The following KCTD1 variants were observed in gnomAD, a reference collection of about 807,000 sequenced individuals.
KCTD1 encodes the protein BTB/POZ domain-containing protein KCTD1.
A neutral mutation model predicts 66.0 loss-of-function variants in KCTD1; 24 were observed. That is an observed-to-expected ratio of 0.36 (90% confidence interval 0.26 to 0.51). The LOEUF is 0.51. Among genes scored for constraint, KCTD1 ranks in the 20% least tolerant of loss-of-function variants. The pLI is 0.95. For synonymous variants in KCTD1, 511 were observed against 517.2 expected, an observed-to-expected ratio of 0.99 and a Z score of 0.16; for missense variants, 943 against 1,205.2, an observed-to-expected ratio of 0.78 and a Z score of 3.22.
At position 26,548,360 on chromosome 18, in the gene KCTD1, TTCCTCC is replaced by T. The variant is rs755283423; in HGVS notation, c.171_176del (p.Glu62_Glu63del). 7 of 1,477,128 alleles carry T rather than the reference TTCCTCC, an allele frequency of 4.7e-6. No homozygotes were observed. The highest frequency in any genetic ancestry group is 2.9e-5 in the African/African-American group (2 of 69,936). 91.5% of individuals were successfully genotyped at this position (1,477,128 alleles called of 1,614,324 possible). On this transcript the variant is annotated inframe_deletion, in exon 1 of 5. Coordinates refer to ENST00000580059, the MANE Select transcript of KCTD1 (RefSeq NM_001142730.3). ...CCTGGATCTCGTCCTCCTCCTCCTC[TTCCTCC>T]TCCTCCTCGCCCGCGCTGCAGTAGT...
chr18:26,579,310 A>C lies in KCTD1; in HGVS notation c.-16+49837T>G, dbSNP rs576292576. On this transcript the variant is annotated intron_variant, in intron 1 of 4. Transcript: ENST00000317932. ...AAAGCATCCAAAGTTTTGAATGTCC[A>C]GTTAGTGTCCAATTAGTGTTGGACA... Among the ~76,000 whole-genome samples, 8 of 152,196 alleles carry C rather than the reference A, an allele frequency of 5.3e-5. No individual in the cohort carries two copies. The East Asian group carries it at 1.5e-3, about 29-fold the overall frequency.
intron 3 of KCTD1, among the ~76,000 whole-genome samples, chr18:26,463,383 C>T (rs889551863): frequency 6.6e-6 from 1 of 151,756 alleles, no homozygotes; most frequent in African/African-American, 2.4e-5. Context: ...CATCACTGCA[C>T]TCCAGCCTAG....
intron 1 of KCTD1, among the ~76,000 whole-genome samples, chr18:26,518,697 C>CT (rs946978524): frequency 3.9e-5 from 6 of 152,058 alleles, no homozygotes; most frequent in African/African-American, 1.2e-4. Context: ...CTCCTTTTTT[C>CT]TTTTTTTAAA....
At chr18:26,567,485 GTTGT>G (rs778478236) in intron 1 of KCTD1, among the ~76,000 whole-genome samples, 127 of 118,022 alleles carry the variant, frequency 1.1e-3, no homozygotes, top group Admixed American at 3.2e-3. Flanking sequence ...TTCTGTTGTT[GTTGT>G]TTTTTTTTTT....
intron 1 of KCTD1, among the ~76,000 whole-genome samples, chr18:26,533,348 T>C (rs1381760973): frequency 2.0e-5 from 3 of 152,246 alleles, no homozygotes; most frequent in Non-Finnish European, 2.9e-5. Context: ...ACTGAGCAAG[T>C]ATTTTATTTC....
chr18:26,575,518 A>G (rs2144907388), intron 1 of KCTD1: 1 of 152,318 alleles, frequency 6.6e-6, no homozygotes, highest in African/African-American at 2.4e-5. Flanking sequence ...CATGATCCAG[A>G]CACCAGAACA....
intron 1 of KCTD1, among the ~76,000 whole-genome samples, chr18:26,531,280 C>T (rs1984423331): frequency 1.3e-5 from 2 of 151,830 alleles, no homozygotes; most frequent in African/African-American, 4.8e-5. Flanking sequence ...TCCCTTGAGC[C>T]CAGTAGTTTG....
chr18:26,653,730 A>G (rs1988077972), intron 1 of KCTD1, among the ~76,000 whole-genome samples: 1 of 152,246 alleles, frequency 6.6e-6, no homozygotes, highest in Non-Finnish European at 1.5e-5. Flanking sequence ...GTTATCTCAA[A>G]CCAAACTCAT....
intron 1 of KCTD1, among the ~76,000 whole-genome samples, chr18:26,524,845 T>G (rs1305213933): frequency 2.6e-5 from 4 of 152,150 alleles, no homozygotes; most frequent in Non-Finnish European, 5.9e-5. Flanking sequence ...ATTTTTTAAT[T>G]TAAAAAAAAA....
chr18:26,530,810 G>C (rs548080168), intron 1 of KCTD1, among the ~76,000 whole-genome samples: 53 of 152,292 alleles, frequency 3.5e-4, no homozygotes, highest in African/African-American at 1.3e-3. Context: ...TTCTTTATGT[G>C]CTATTGGAAG....
intron 3 of KCTD1, among the ~76,000 whole-genome samples, chr18:26,463,272 G>A (rs117624568): frequency 0.021 from 3,149 of 152,210 alleles, 47 homozygotes; most frequent in Middle Eastern, 0.075. Flanking sequence ...CCTGGGCAAC[G>A]TAGGGAGACC....
chr18:26,491,603 T>A (rs1982204324), intron 2 of KCTD1, among the ~76,000 whole-genome samples: 1 of 152,202 alleles, frequency 6.6e-6, no homozygotes, highest in African/African-American at 2.4e-5. Context: ...CAAGTCATGA[T>A]ACACACAGAA....
chr18:26,560,889 C>T lies in KCTD1; in HGVS notation c.-15-59639G>A, dbSNP rs75290998. Among the ~76,000 whole-genome samples the T allele has an allele frequency of 4.7e-3, 721 of 152,296 alleles. 3 individuals are homozygous for T. The highest frequency in any genetic ancestry group is 0.017 in the African/African-American group (691 of 41,560). On this transcript the variant is annotated intron_variant, in intron 1 of 4. Transcript: ENST00000317932. ...TTTTAGAGGACAGTGGGAAAATGCA[C>T]ATCCCTTTCAACGCAGTAAATCATT...
chr18:26,554,551 A>G (rs1443069791), intron 1 of KCTD1, among the ~76,000 whole-genome samples: 1 of 152,222 alleles, frequency 6.6e-6, no homozygotes, highest in Non-Finnish European at 1.5e-5. Context: ...CAACCAGACT[A>G]GAAAGAGGCA....
At chr18:26,521,146 G>C (rs532638199) in intron 1 of KCTD1, among the ~76,000 whole-genome samples, 1 of 152,368 alleles carries the variant, frequency 6.6e-6, no homozygotes, top group East Asian at 1.9e-4. Context: ...TCAGGGCCCT[G>C]AAGGGTGGAG....
intron 1 of KCTD1, among the ~76,000 whole-genome samples, chr18:26,651,933 T>G (rs937501810): frequency 6.6e-6 from 1 of 151,912 alleles, no homozygotes; most frequent in Middle Eastern, 3.4e-3. Context: ...CAGAACAAGA[T>G]GGGTGCAGAA....
At chr18:26,485,628 C>A (rs949525493) in intron 2 of KCTD1, among the ~76,000 whole-genome samples, 2 of 152,040 alleles carry the variant, frequency 1.3e-5, no homozygotes, top group African/African-American at 4.8e-5. Flanking sequence ...CTGGGAAGCC[C>A]AATTTAGTAT....
rs1401441610 is a variant in KCTD1, at chr18:26,548,411, G to T, written c.126C>A (p.Gly42=). 2.8e-6 allele frequency: 4 copies of T among 1,428,132 alleles called. No homozygotes were observed. The East Asian group carries it at 1.2e-4, about 42-fold the overall frequency. 88.5% of individuals were successfully genotyped at this position (1,428,132 alleles called of 1,614,324 possible). Residue 42 remains glycine (G), a synonymous_variant, in exon 1 of 5, where the codon GGC becomes GGA. Coordinates refer to ENST00000580059, the MANE Select transcript of KCTD1 (RefSeq NM_001142730.3). ...GEGERGAGGR[G]RRHSRPHYCS... ...AGTAGTGCGGACGGCTGTGGCGGCG[G>T]CCGCGGCCCCCCGCGCCGCGCTCGC... is the stretch of plus-strand genomic sequence containing the variant.
At chr18:26,579,310 A>G (rs576292576) in intron 1 of KCTD1, among the ~76,000 whole-genome samples, 1 of 152,314 alleles carries the variant, frequency 6.6e-6, no homozygotes, top group East Asian at 1.9e-4. Context: ...TTGAATGTCC[A>G]GTTAGTGTCC....
Sources: gnomAD v4.1 joint callset for allele counts (sites outside exome capture counted in the v4.1 genomes callset) on GRCh38, gnomAD v4.1.1 for gene constraint, MANE v1.5 for transcripts, NCBI Gene and HGNC (gene_info 2026-07-23, HGNC 2026-07-21) for gene names.